FMN1: variants seen among roughly 807,000 people sequenced by gnomAD.
The protein encoded by FMN1 is formin 1.
Under a neutral mutation model 132.4 loss-of-function variants are expected in FMN1, and 110 were observed. That is an observed-to-expected ratio of 0.83 (90% CI 0.71 to 0.97). The LOEUF is 0.97. Among genes scored for constraint, FMN1 ranks in the 50% least tolerant of loss-of-function variants. The pLI is 0.00. For synonymous variants in FMN1, 722 were observed against 651.7 expected (o/e 1.11, Z -1.64); for missense variants, 1,792 against 1,705.3 (o/e 1.05, Z -0.90).
chr15:32,812,178 C>T (rs529046142), intron 17 of FMN1, among the ~76,000 whole-genome samples: 13 of 152,176 alleles, frequency 8.5e-5, no homozygotes, highest in Admixed American at 3.3e-4. Flanking sequence ...TACACATCAC[C>T]GGGAACATTC....
At chr15:33,073,108 A>G (rs906389693) in intron 5 of FMN1, among the ~76,000 whole-genome samples, 2 of 152,168 alleles carry the variant, frequency 1.3e-5, no homozygotes, top group African/African-American at 4.8e-5. Context: ...TGGACACTGA[A>G]AGAAACTTCT....
chr15:32,782,856 T>A (rs567267640), intron 19 of FMN1, among the ~76,000 whole-genome samples: 1 of 152,268 alleles, frequency 6.6e-6, no homozygotes, highest in South Asian at 2.1e-4. Flanking sequence ...TGCAGCAACA[T>A]AGATGGAGCT....
At chr15:33,023,206 T>C (rs376535603) in intron 6 of FMN1, among the ~76,000 whole-genome samples, 1 of 151,782 alleles carries the variant, frequency 6.6e-6, no homozygotes, top group Non-Finnish European at 1.5e-5. Context: ...CTGGGGGTCT[T>C]ACCTGGTAAG....
At chr15:32,863,028 T>C (rs1370145333) in intron 16 of FMN1, among the ~76,000 whole-genome samples, 1 of 152,242 alleles carries the variant, frequency 6.6e-6, no homozygotes, top group Non-Finnish European at 1.5e-5. Context: ...GGAATTTTTT[T>C]ACTAAAGCAA....
intron 3 of FMN1, among the ~76,000 whole-genome samples, chr15:33,169,740 C>CTTTTTTTTTTTTTTTT (rs57083437): frequency 8.5e-6 from 1 of 117,910 alleles, no homozygotes; most frequent in Non-Finnish European, 1.8e-5. Flanking sequence ...TTTTCTTTTC[C>CTTTTTTTTTTTTTTTT]TTTTTTTTTT....
At position 33,066,389 on chromosome 15, in the gene FMN1, T is replaced by C. The variant is rs575669880; in HGVS notation, c.2044-1315A>G. ...CTTACAGGACAATATAATTTGACTA[T>C]AATCCTTTTTCAACTAAAAGAATCA... On this transcript the variant is annotated intron_variant, in intron 5 of 20. Transcript: ENST00000616417. 2.3e-5 allele frequency: 20 copies of C among 852,238 alleles called. No individual in the cohort carries two copies. The South Asian group carries it at 2.8e-4, about 12-fold the overall frequency. 52.8% of individuals were successfully genotyped at this position (852,238 alleles called of 1,614,324 possible).
chr15:32,794,189 C>T (rs575172259), intron 19 of FMN1, among the ~76,000 whole-genome samples: 159 of 152,162 alleles, frequency 1.0e-3, no homozygotes, highest in Middle Eastern at 6.8e-3. Context: ...ACAGCCCCCT[C>T]GCCCCCAAAA....
intron 7 of FMN1, among the ~76,000 whole-genome samples, chr15:33,000,891 A>G (rs1056186406): frequency 8.5e-5 from 13 of 152,220 alleles, no homozygotes; most frequent in Non-Finnish European, 1.9e-4. Flanking sequence ...ATCACTGTTC[A>G]GTGGATTCTG....
In FMN1 at chr15:33,154,620, T is replaced by A. The variant is rs370264290; in HGVS notation, c.295A>T (p.Thr99Ser). Residue 99 changes from threonine to serine, a missense_variant, in exon 4 of 21, where the codon ACC (threonine) becomes TCC (serine). Around this residue, in one of 3 missense-constraint regions of FMN1, gnomAD observed 638 missense variants for 645.2 expected, o/e 0.99. Coordinates refer to ENST00000616417, the MANE Select transcript of FMN1 (RefSeq NM_001277313.2). ...ATGTGGTCTGAGCTCAGGAGATTGG[T>A]TAGCAGTCTCTCCCTCTCTGTTGTG... ...KLTTERERLL[T>S]NLLSSDHILG... 2.6e-6 allele frequency: 4 copies of A among 1,535,968 alleles called. No individual in the cohort carries two copies. Among genetic ancestry groups the A allele is most frequent in the East Asian group, 2.4e-5 (1 of 40,918 alleles).
intron 5 of FMN1, among the ~76,000 whole-genome samples, chr15:33,085,685 T>C (rs893354782): frequency 3.3e-5 from 5 of 151,710 alleles, no homozygotes; most frequent in Admixed American, 2.0e-4. Flanking sequence ...AAAATACTTA[T>C]AGAAAAGAAT....
intron 4 of FMN1, among the ~76,000 whole-genome samples, chr15:33,104,465 A>G (rs1045702216): frequency 1.3e-5 from 2 of 149,166 alleles, no homozygotes; most frequent in African/African-American, 2.5e-5. Context: ...TGTATTACTG[A>G]TAGAGATGCA....
intron 17 of FMN1, among the ~76,000 whole-genome samples, chr15:32,820,238 T>C (rs1456037919): frequency 6.6e-6 from 1 of 152,094 alleles, no homozygotes. Context: ...CTCCCTCTAC[T>C]ATAAAAAGTG....
intron 5 of FMN1, among the ~76,000 whole-genome samples, chr15:33,068,559 A>G (rs773192936): frequency 1.2e-4 from 18 of 151,936 alleles, no homozygotes; most frequent in Admixed American, 3.9e-4. Flanking sequence ...AAGGAAACAA[A>G]TTAAAGAAAG....
rs2056914584 is a variant in FMN1, at chr15:32,787,373, CTTCCA to C, written c.4131-10459_4131-10455del. On this transcript the variant is annotated intron_variant, in intron 19 of 20. Transcript: ENST00000616417. ...GGCCACATACTTAGACAGACACACTCTTCCATGCTCATTTTCTCTTCAGAGTCTGA... is the reference window on the plus strand; with the variant it reads ...GGCCACATACTTAGACAGACACACTCTGCTCATTTTCTCTTCAGAGTCTGA... Among the ~76,000 whole-genome samples, 6 of 152,352 alleles carry C rather than the reference CTTCCA, an allele frequency of 3.9e-5. 1 individual carries two copies. In the South Asian group the frequency reaches 1.2e-3, roughly 32 times the overall value.
chr15:32,847,601 T>G (rs1231384879), intron 17 of FMN1, among the ~76,000 whole-genome samples: 1 of 152,080 alleles, frequency 6.6e-6, no homozygotes, highest in Non-Finnish European at 1.5e-5. Flanking sequence ...ATGCCTGTAA[T>G]CCCAGCACTC....
chr15:32,988,386 G>A (rs1359909506), intron 7 of FMN1, among the ~76,000 whole-genome samples: 1 of 152,140 alleles, frequency 6.6e-6, no homozygotes, highest in Non-Finnish European at 1.5e-5. Context: ...TCCTCCAACT[G>A]ATTTATACAT....
chr15:33,072,894 G>A (rs1407810036), intron 5 of FMN1, among the ~76,000 whole-genome samples: 1 of 147,686 alleles, frequency 6.8e-6, no homozygotes, highest in Admixed American at 6.9e-5. Context: ...CTGCACTCCA[G>A]CCTGGGCAAC....
At chr15:32,916,762 T>C (rs931477491) in intron 10 of FMN1, among the ~76,000 whole-genome samples, 1 of 152,216 alleles carries the variant, frequency 6.6e-6, no homozygotes, top group South Asian at 2.1e-4. Context: ...CTTGACTCTA[T>C]TAGCAGAAAT....
Position 32,951,684 on chromosome 15 carries a change from A to G in FMN1, c.3138+12423T>C, listed in dbSNP as rs187958469. Among the ~76,000 whole-genome samples the G allele has an allele frequency of 1.1e-3, 160 of 152,312 alleles. 1 individual carries two copies. Among genetic ancestry groups the G allele is most frequent in the Non-Finnish European group, 2.1e-4 (14 of 68,032 alleles). On this transcript the variant is annotated intron_variant, in intron 9 of 20. Transcript: ENST00000616417. ...ATTGATGTGCCAAGCCCCAGGCCAA[A>G]CATTTCACATACTACATTTTAATTT...
Sources: allele counts gnomAD v4.1 joint callset (sites outside exome capture counted in the v4.1 genomes callset), GRCh38; gene constraint gnomAD v4.1.1; regional missense constraint gnomAD v4.1.1; transcripts MANE v1.5; gene names NCBI Gene and HGNC (gene_info 2026-07-23, HGNC 2026-07-21).